UBR2: variants seen among roughly 807,000 people sequenced by gnomAD.
UBR2 encodes E3 ubiquitin-protein ligase UBR2.
A neutral mutation model predicts 247.9 loss-of-function variants in UBR2; 92 were observed. The ratio of observed to expected loss-of-function variants is 0.37; its 90% CI spans 0.31 to 0.44. The LOEUF is 0.44. Among genes scored for constraint, UBR2 ranks in the 20% least tolerant of loss-of-function variants. The probability of loss-of-function intolerance (pLI) is 1.00; values close to 1 mark genes in which losing one functional copy is unlikely to be tolerated. For missense variants in UBR2, 1,613 were observed against 2,112.6 expected (o/e 0.76, Z 4.64); for synonymous variants, 672 against 693.5 (o/e 0.97, Z 0.49).
At chr6:42,649,192 G>T (rs1796960311) in intron 22 of UBR2, among the ~76,000 whole-genome samples, 1 of 152,100 alleles carries the variant, frequency 6.6e-6, no homozygotes, top group Non-Finnish European at 1.5e-5. Flanking sequence ...ATTTTTAGTA[G>T]ACATGGGGTT....
chr6:42,645,296 G>C (rs1371375044), intron 20 of UBR2, among the ~76,000 whole-genome samples, 170 bp from the exon 21 acceptor site: 1 of 152,190 alleles, frequency 6.6e-6, no homozygotes, highest in Non-Finnish European at 1.5e-5. Flanking sequence ...AGACACAGAA[G>C]CATGGTCAGG....
At position 42,671,410 on chromosome 6, in the gene UBR2, T is replaced by TA. The variant is rs56409458; in HGVS notation, c.4086+709dup. ...GTGCAACAGCACAAGATCCTATCTT[T>TA]AAAAAAAAAAAAAAGAAGAAGAAGA... On this transcript the variant is annotated intron_variant, in intron 36 of 46. Coordinates refer to ENST00000372901, the MANE Select transcript of UBR2 (RefSeq NM_001363705.2). Among the ~76,000 whole-genome samples the TA allele has an allele frequency of 4.4e-3, 635 of 145,776 alleles. 3 individuals carry two copies. Among genetic ancestry groups the TA allele is most frequent in the African/African-American group, 0.014 (554 of 39,708 alleles).
At chr6:42,619,552 C>A in intron 11 of UBR2, 1 of 220,906 alleles carries the variant, frequency 4.5e-6, no homozygotes, top group South Asian at 1.6e-4. Context: ...AGTCTGAGAC[C>A]AGCCTGGCCA....
rs868000362 is a variant in UBR2, at chr6:42,645,410, C to T, written c.2285-56C>T. ...CTGCATGAATTATAAGTATATATCA[C>T]GAAAGTATTGTGATTATGTTAAATG... On this transcript the variant is annotated intron_variant, in intron 20 of 46. Transcript: ENST00000372901. The T allele has an allele frequency of 4.4e-5, 66 of 1,513,350 alleles. No individual in the cohort carries two copies. The Middle Eastern group carries it at 8.6e-4, about 20-fold the overall frequency. The allele number at this position is 1,513,350 out of a possible 1,614,324, so 93.7% of individuals were successfully genotyped here.
At chr6:42,591,216 C>T (rs1229771934) in intron 2 of UBR2, among the ~76,000 whole-genome samples, 1 of 152,200 alleles carries the variant, frequency 6.6e-6, no homozygotes, top group African/African-American at 2.4e-5. Context: ...CATGCCACTG[C>T]ACTCCAGCCT....
intron 2 of UBR2, 59 bp from the exon 3 acceptor site, chr6:42,592,092 C>G: frequency 6.9e-7 from 1 of 1,455,166 alleles, no homozygotes; most frequent in Non-Finnish European, 9.4e-7. Context: ...TGAAATAATT[C>G]TGTTGTGAAA....
intron 3 of UBR2, 27 bp from the exon 4 acceptor site, chr6:42,594,164 C>A (rs777770638): frequency 1.9e-6 from 3 of 1,541,226 alleles, no homozygotes; most frequent in South Asian, 1.1e-5. Context: ...TATTTATTGA[C>A]AAGATACTTT....
intron 15 of UBR2, among the ~76,000 whole-genome samples, chr6:42,639,277 A>G (rs566633398): frequency 4.6e-5 from 7 of 152,338 alleles, no homozygotes; most frequent in Non-Finnish European, 8.8e-5. Context: ...CTGTTTAAGC[A>G]ATAGCATAAA....
intron 4 of UBR2, among the ~76,000 whole-genome samples, chr6:42,600,577 G>C (rs1395629817): frequency 4.3e-5 from 6 of 140,692 alleles, no homozygotes; most frequent in Non-Finnish European, 7.5e-5. Context: ...TGTGTACGGA[G>C]ATGGCAGAAG....
At chr6:42,673,753 CA>C (rs1305532202) in intron 36 of UBR2, 37 bp from the exon 37 acceptor site, 1 of 1,501,582 alleles carries the variant, frequency 6.7e-7, no homozygotes, top group Non-Finnish European at 9.2e-7. Flanking sequence ...AACTGCTTTG[CA>C]TTTTTGTTTT....
intron 4 of UBR2, among the ~76,000 whole-genome samples, chr6:42,597,830 C>A (rs1323731862): frequency 2.6e-5 from 4 of 151,836 alleles, no homozygotes; most frequent in African/African-American, 9.7e-5. Context: ...GCAAGAGAAT[C>A]GCTTGAACCC....
At chr6:42,640,920 G>C (rs1415617380) in intron 16 of UBR2, among the ~76,000 whole-genome samples, 1 of 151,632 alleles carries the variant, frequency 6.6e-6, no homozygotes, top group South Asian at 2.1e-4. Flanking sequence ...GTAGAGACAG[G>C]GTTTCACCAT....
chr6:42,637,011 GA>G lies in UBR2; in HGVS notation c.1680del (p.Val561CysfsTer2). ...SMMQDWCASD[E>X]KVLIEAYKKC... ...CTTACAGAAAAACCCTCTTTTTTAG[GA>G]AAAAGTGTTAATCGAAGCTTACAAG... On this transcript the variant is annotated frameshift_variant and splice_region_variant, in exon 15 of 47. Transcript: ENST00000372901. LOFTEE classifies it high-confidence loss of function. 6.3e-7 allele frequency: 1 copy of G among 1,598,910 alleles called. No homozygotes were observed. The highest frequency in any genetic ancestry group is 1.1e-5 in the South Asian group (1 of 88,046).
At position 42,603,714 on chromosome 6, in the gene UBR2, A is replaced by G. The variant is rs1160526267; in HGVS notation, c.658A>G (p.Met220Val). Reference protein sequence around the residue: ...KESELPADLEMVEKSDTYYCM... With the variant: ...KESELPADLEVVEKSDTYYCM... ...AAGTGAATTGCCAGCAGATTTAGAG[A>G]TGGTGTAAGTATAACCTGTTTATTC... Residue 220 changes from methionine to valine, a missense_variant, in exon 5 of 47, where the codon ATG (methionine) becomes GTG (valine). This residue lies in a region of UBR2 where 1,524 missense variants were observed against 1,967.3 expected (regional missense o/e 0.77). Coordinates refer to ENST00000372901, the MANE Select transcript of UBR2 (RefSeq NM_001363705.2). 3.8e-6 allele frequency: 6 copies of G among 1,598,084 alleles called. No individual in the cohort carries two copies. Among genetic ancestry groups the G allele is most frequent in the Non-Finnish European group, 5.1e-6 (6 of 1,176,454 alleles).
intron 18 of UBR2, among the ~76,000 whole-genome samples, chr6:42,643,925 A>C (rs1004710804): frequency 1.9e-4 from 29 of 152,236 alleles, no homozygotes; most frequent in African/African-American, 7.0e-4. Context: ...TTAAAGCATT[A>C]GAAGGAAAGA....
chr6:42,678,450 T>A, intron 40 of UBR2, 89 bp from the exon 41 acceptor site: 1 of 1,421,280 alleles, frequency 7.0e-7, no homozygotes, highest in Non-Finnish European at 9.4e-7. Context: ...TGCCATCAGT[T>A]CCAAATGACA....
chr6:42,572,492 A>AT (rs57290849), intron 1 of UBR2, among the ~76,000 whole-genome samples: 113,561 of 150,524 alleles, frequency 0.75, 43,265 homozygotes, highest in African/African-American at 0.85. Context: ...TGTAACTGGA[A>AT]TTAGGTAGTA....
chr6:42,625,816 C>T (rs1795304576), intron 11 of UBR2, among the ~76,000 whole-genome samples: 1 of 149,946 alleles, frequency 6.7e-6, no homozygotes, highest in Admixed American at 6.7e-5. Context: ...TATTTTTCCC[C>T]CCTTTTTTTT....
chr6:42,683,076 T>C lies in UBR2; in HGVS notation c.4740T>C (p.Val1580=). 1 of 1,612,882 alleles carries C rather than the reference T, an allele frequency of 6.2e-7. No homozygotes were observed. The highest frequency in any genetic ancestry group is 1.3e-5 in the African/African-American group (1 of 74,990). The stretch of plus-strand genomic sequence containing the variant: ...AAAGTTGGTGCCGTAACAGTGAAGT[T>C]AAAAGATATCTAGAAGGTGAAAGAG... The part of the protein sequence containing the change: ...LIESWCRNSE[V]KRYLEGERDA... The change falls in exon 43 of 47, where the codon GTT becomes GTC. Residue 1580 remains valine (V), a synonymous_variant. Transcript: ENST00000372901.
Sources: gnomAD v4.1 joint callset for allele counts (sites outside exome capture counted in the v4.1 genomes callset) on GRCh38, gnomAD v4.1.1 for gene constraint, gnomAD v4.1.1 regional missense constraint, MANE v1.5 for transcripts, NCBI Gene and HGNC (gene_info 2026-07-23, HGNC 2026-07-21) for gene names.